Variants in ZNF365 observed in about 807,000 individuals in gnomAD.
The protein encoded by ZNF365 is protein ZNF365.
ZNF365 carries 22 observed loss-of-function variants against 35.0 expected under a neutral mutation model. The observed-to-expected ratio is 0.63, with a 90% CI of 0.45 to 0.90. ZNF365 has a LOEUF of 0.90. Among genes scored for constraint, ZNF365 ranks in the 40% least tolerant of loss-of-function variants. The probability of loss-of-function intolerance (pLI) is 0.00; values close to 1 mark genes in which losing one functional copy is unlikely to be tolerated. For missense variants in ZNF365, 448 were observed against 500.3 expected, an observed-to-expected ratio of 0.90 and a Z score of 1.00; for synonymous variants, 188 against 196.2, an observed-to-expected ratio of 0.96 and a Z score of 0.35.
intron 3 of ZNF365, among the ~76,000 whole-genome samples, chr10:62,419,494 G>GA (rs751316684): frequency 0.043 from 5,405 of 124,810 alleles, 106 homozygotes; most frequent in East Asian, 0.1. Flanking sequence ...GTTTTTAAAG[G>GA]AAAAAAAAAA....
At chr10:62,392,029 G>A (rs781052660) in intron 3 of ZNF365, among the ~76,000 whole-genome samples, 1 of 152,122 alleles carries the variant, frequency 6.6e-6, no homozygotes, top group Non-Finnish European at 1.5e-5. Context: ...TCATATGTTT[G>A]TTGGCCATTT....
chr10:62,452,961 T>A (rs1241594857), intron 3 of ZNF365, among the ~76,000 whole-genome samples: 2 of 152,348 alleles, frequency 1.3e-5, no homozygotes, highest in African/African-American at 4.8e-5. Context: ...TGTAAGTGTA[T>A]CTTCCTGGCT....
rs755607376 is a variant in ZNF365, at chr10:62,398,824, G to A, written c.962+47G>A. ...TGGGCCATTTGATAATGTTTGTATT[G>A]TATGTTTTCCTGTTGCATTTTATAT... On this transcript the variant is annotated intron_variant, in intron 4 of 4. Coordinates refer to ENST00000395254, the MANE Select transcript of ZNF365 (RefSeq NM_014951.3). The A allele has an allele frequency of 3.9e-6, 6 of 1,550,544 alleles. No homozygotes were observed. The South Asian group carries it at 5.9e-5, about 15-fold the overall frequency.
chr10:62,421,184 T>C (rs906992656), intron 3 of ZNF365, among the ~76,000 whole-genome samples: 1 of 152,174 alleles, frequency 6.6e-6, no homozygotes, highest in Non-Finnish European at 1.5e-5. Flanking sequence ...AATCTTATTG[T>C]CATCACCAAT....
At chr10:62,419,611 G>A (rs1554826038) in intron 3 of ZNF365, among the ~76,000 whole-genome samples, 1 of 152,094 alleles carries the variant, frequency 6.6e-6, no homozygotes, top group Non-Finnish European at 1.5e-5. Context: ...GCTATTGAGC[G>A]TGGATTTTAG....
In ZNF365 at chr10:62,376,257, G is replaced by A; in HGVS notation, c.64G>A (p.Val22Met). The change falls in exon 2 of 5, where the codon GTG (valine) becomes ATG (methionine). Residue 22 changes from valine (V) to methionine (M), a missense_variant. By Grantham distance (21) the Val-to-Met change is conservative. Transcript: ENST00000395254. Reference protein sequence around the residue: ...PWQESFENVAVCLPLRCPRCG... With the variant: ...PWQESFENVAMCLPLRCPRCG... ...GCAGGAGTCCTTTGAGAATGTTGCTGTGTGCCTGCCATTACGCTGCCCGAG... is the reference window on the plus strand; with the variant it reads ...GCAGGAGTCCTTTGAGAATGTTGCTATGTGCCTGCCATTACGCTGCCCGAG... 6.2e-7 allele frequency: 1 copy of A among 1,614,156 alleles called. No individual in the cohort carries two copies. Among genetic ancestry groups the A allele is most frequent in the Non-Finnish European group, 8.5e-7 (1 of 1,180,054 alleles).
In ZNF365 at chr10:62,400,823, A is replaced by T; in HGVS notation, c.*1034A>T. 1 of 833,652 alleles carries T rather than the reference A, an allele frequency of 1.2e-6. No individual in the cohort carries two copies. The highest frequency in any genetic ancestry group is 1.3e-6 in the Non-Finnish European group (1 of 762,158). 51.6% of individuals were successfully genotyped at this position (833,652 alleles called of 1,614,324 possible). A position where few individuals can be genotyped will look rare whatever the true frequency, so the allele number is the denominator to read the frequency against. ...CCTCCTGCTGCTTCTGTGCCCTGTT[A>T]AGGGCTTCAGGTATCTTTCAACCAA... On this transcript the variant is annotated 3_prime_UTR_variant, in exon 5 of 5. Coordinates refer to ENST00000395254, the MANE Select transcript of ZNF365 (RefSeq NM_014951.3).
At chr10:62,388,328 T>C in intron 2 of ZNF365, 68 bp from the exon 3 acceptor site, 2 of 1,573,462 alleles carry the variant, frequency 1.3e-6, no homozygotes, top group South Asian at 1.1e-5. Flanking sequence ...ACTCAATAAA[T>C]ATGTGTTGAA....
intron 2 of ZNF365, among the ~76,000 whole-genome samples, chr10:62,378,088 G>T (rs1167424953): frequency 6.6e-6 from 1 of 152,162 alleles, no homozygotes; most frequent in Non-Finnish European, 1.5e-5. Context: ...AGTTAGGATG[G>T]ATTTGAATCA....
At chr10:62,473,729 G>A (rs1841082051) in intron 4 of ZNF365, among the ~76,000 whole-genome samples, 1 of 152,134 alleles carries the variant, frequency 6.6e-6, no homozygotes, top group Non-Finnish European at 1.5e-5. Flanking sequence ...TTGTCCCACT[G>A]GGGGTTTGTT....
At chr10:62,396,187 C>G (rs1443598711) in intron 3 of ZNF365, among the ~76,000 whole-genome samples, 1 of 152,190 alleles carries the variant, frequency 6.6e-6, no homozygotes. Flanking sequence ...GAATTCTAGT[C>G]CAGCCATTGA....
intron 4 of ZNF365, among the ~76,000 whole-genome samples, chr10:62,477,850 G>A (rs776014587): frequency 1.3e-5 from 2 of 152,166 alleles, no homozygotes; most frequent in Admixed American, 6.5e-5. Flanking sequence ...GCCAAGGTAC[G>A]TCACATGGCT....
intron 3 of ZNF365, among the ~76,000 whole-genome samples, chr10:62,432,052 T>C (rs1054990106): frequency 6.6e-6 from 1 of 152,138 alleles, no homozygotes; most frequent in Non-Finnish European, 1.5e-5. Context: ...TCTGTAAAAA[T>C]AAAGTGTTGG....
At chr10:62,394,868 G>C (rs1839695677) in intron 3 of ZNF365, among the ~76,000 whole-genome samples, 1 of 152,042 alleles carries the variant, frequency 6.6e-6, no homozygotes, top group Non-Finnish European at 1.5e-5. Context: ...AAGAGAGGGA[G>C]GGAACTAAGG....
chr10:62,424,464 T>C (rs1220296837), intron 3 of ZNF365, among the ~76,000 whole-genome samples: 1 of 152,224 alleles, frequency 6.6e-6, no homozygotes, highest in East Asian at 1.9e-4. Context: ...CTTGGGATAA[T>C]TGAGAAAATA....
At chr10:62,385,059 A>G (rs1437145587) in intron 2 of ZNF365, among the ~76,000 whole-genome samples, 1 of 152,312 alleles carries the variant, frequency 6.6e-6, no homozygotes, top group African/African-American at 2.4e-5. Flanking sequence ...TTCATCTAAC[A>G]AAGATACCCT....
chr10:62,408,018 A>G (rs1839929981), intron 3 of ZNF365, among the ~76,000 whole-genome samples: 1 of 152,206 alleles, frequency 6.6e-6, no homozygotes, highest in Non-Finnish European at 1.5e-5. Context: ...AAATGAGTAT[A>G]CCAGCTAGTC....
downstream of ZNF365, among the ~76,000 whole-genome samples, chr10:62,407,414 C>T (rs1262636529): frequency 6.6e-6 from 1 of 152,176 alleles, no homozygotes; most frequent in Non-Finnish European, 1.5e-5. Context: ...ACTACTGACA[C>T]CTGCTTGCCT....
intron 4 of ZNF365, among the ~76,000 whole-genome samples, chr10:62,468,111 T>C (rs897455821): frequency 6.6e-6 from 1 of 152,188 alleles, no homozygotes; most frequent in Non-Finnish European, 1.5e-5. Flanking sequence ...AGATTATTTA[T>C]AAAATTCATT....
Sources: allele counts gnomAD v4.1 joint callset (sites outside exome capture counted in the v4.1 genomes callset), GRCh38; gene constraint gnomAD v4.1.1; transcripts MANE v1.5; gene names NCBI Gene and HGNC (gene_info 2026-07-23, HGNC 2026-07-21).